The following WDR83 variants were observed in gnomAD, a reference collection of about 807,000 sequenced individuals.
WDR83 encodes the protein WD repeat domain 83, also known as WD repeat domain-containing protein 83.
In WDR83, 37 loss-of-function variants were observed where a neutral mutation model predicts 37.7. The ratio of observed to expected loss-of-function variants is 0.98; its 90% CI spans 0.76 to 1.29. WDR83 has a LOEUF of 1.29. Ranked by LOEUF, WDR83 falls within the 50% of genes most tolerant of loss-of-function variation. The pLI is 0.00. For synonymous variants in WDR83, 174 were observed against 181.1 expected, an observed-to-expected ratio of 0.96 and a Z score of 0.31; for missense variants, 445 against 414.4, an observed-to-expected ratio of 1.07 and a Z score of -0.64.
rs1210345184 is a variant in WDR83 at position 12,672,930 on chromosome 19, G to T, written c.574+16G>T. 3.8e-6 allele frequency: 6 copies of T among 1,598,556 alleles called. No individual in the cohort carries two copies. The highest frequency in any genetic ancestry group is 1.3e-5 in the African/African-American group (1 of 74,622). On this transcript the variant is annotated intron_variant, in intron 8 of 10. Transcript: ENST00000418543. ...TACGTGGGCAGTGAGTGTGGCTGGGGATGTGGGACAGGCAGGGAAGATGGG... is the reference window on the plus strand; with the variant it reads ...TACGTGGGCAGTGAGTGTGGCTGGGTATGTGGGACAGGCAGGGAAGATGGG...
At chr19:12,669,928 C>A (rs773410141) in intron 3 of WDR83, 35 bp downstream of exon 3, 2 of 1,601,626 alleles carry the variant, frequency 1.2e-6, no homozygotes, top group South Asian at 2.2e-5. Flanking sequence ...GGTCCTCCTC[C>A]CGCCTCCTGA....
At chr19:12,667,107 A>G (rs1444960401) in intron 1 of WDR83, 115 bp downstream of exon 1, 2 of 247,872 alleles carry the variant, frequency 8.1e-6, no homozygotes, top group African/African-American at 4.7e-5. Context: ...TCCTGGAAGG[A>G]CCTAGCTTGC....
rs910887257 is a variant in WDR83 at position 12,674,686 on chromosome 19, A to G, written c.799-837A>G. On this transcript the variant is annotated intron_variant, in intron 10 of 10. Coordinates refer to ENST00000418543, the MANE Select transcript of WDR83 (RefSeq NM_001099737.3). ...CTGCCAAATGGACAGGATGGAGCCC[A>G]GCTGGTGGCAGGGAACAGGCAAGCT... Among the ~76,000 whole-genome samples the G allele has an allele frequency of 5.3e-5, 8 of 152,172 alleles. 1 individual carries two copies. The highest frequency in any genetic ancestry group is 1.0e-4 in the Non-Finnish European group (7 of 68,038).
intron 8 of WDR83, 31 bp from the exon 9 acceptor site, chr19:12,672,977 C>A: frequency 6.2e-7 from 1 of 1,601,750 alleles, no homozygotes; most frequent in Non-Finnish European, 8.5e-7. Context: ...GGGCACCCCA[C>A]CCTCACTCAC....
chr19:12,672,814 C>T lies in WDR83; in HGVS notation c.507-33C>T, dbSNP rs1282480671. Reference sequence around the variant, plus strand: ...CTGCCTGGAGCCATGTGAGTGTAGTCAAGGTTCCCGCTGGATCTACCCTCT... The same window carrying T: ...CTGCCTGGAGCCATGTGAGTGTAGTTAAGGTTCCCGCTGGATCTACCCTCT... On this transcript the variant is annotated intron_variant, in intron 7 of 10. Coordinates refer to ENST00000418543, the MANE Select transcript of WDR83 (RefSeq NM_001099737.3). 5.1e-6 allele frequency: 8 copies of T among 1,556,528 alleles called. No individual in the cohort carries two copies. The African/African-American group carries it at 1.1e-4, about 21-fold the overall frequency.
intron 10 of WDR83, 94 bp downstream of exon 10, chr19:12,673,410 CTTTTT>C (rs58676851): frequency 7.7e-3 from 1,891 of 245,972 alleles, no homozygotes; most frequent in Middle Eastern, 0.013. Context: ...AGGCTAGGAT[CTTTTT>C]TTTTTTTTTT....
chr19:12,670,354 G>C, intron 5 of WDR83, 69 bp downstream of exon 5: 2 of 1,555,960 alleles, frequency 1.3e-6, no homozygotes, highest in Non-Finnish European at 1.8e-6. Context: ...TGGTGACACG[G>C]CCACCCCCAT....
chr19:12,672,863 G>GT lies in WDR83; in HGVS notation c.524dup (p.Arg176GlufsTer4). ...CTCCTGCAGCTCCGTGGATGGCCGC[G>GT]TGAGACGCTATGACCTAAGGATGGG... On this transcript the variant is annotated frameshift_variant, in exon 8 of 11. Transcript: ENST00000418543. LOFTEE classifies it high-confidence loss of function. The GT allele has an allele frequency of 6.3e-7, 1 of 1,588,860 alleles. No individual in the cohort carries two copies. Among genetic ancestry groups the GT allele is most frequent in the Admixed American group, 1.8e-5 (1 of 55,974 alleles).
At position 12,672,697 on chromosome 19, in the gene WDR83, T is replaced by A. The variant is rs759398068; in HGVS notation, c.507-150T>A. ...TTGGAAATGATGGAGTAGGACGTAATTGGCCCTGGGCCTGAGTCTCAAGGC... is the reference window on the plus strand; with the variant it reads ...TTGGAAATGATGGAGTAGGACGTAAATGGCCCTGGGCCTGAGTCTCAAGGC... On this transcript the variant is annotated intron_variant, in intron 7 of 10. Coordinates refer to ENST00000418543, the MANE Select transcript of WDR83 (RefSeq NM_001099737.3). The A allele has an allele frequency of 6.4e-5, 48 of 745,808 alleles. No individual in the cohort carries two copies. The Middle Eastern group carries it at 1.5e-3, about 23-fold the overall frequency. The allele number at this position is 745,808 out of a possible 1,614,324, so 46.2% of individuals were successfully genotyped here.
At chr19:12,673,412 T>A (rs1309921840) in intron 10 of WDR83, 96 bp downstream of exon 10, 71 of 168,284 alleles carry the variant, frequency 4.2e-4, no homozygotes, top group East Asian at 8.9e-4. Flanking sequence ...GCTAGGATCT[T>A]TTTTTTTTTT....
chr19:12,672,692 C>G, intron 7 of WDR83, 155 bp from the exon 8 acceptor site: 1 of 709,916 alleles, frequency 1.4e-6, no homozygotes, highest in Non-Finnish European at 2.4e-6. Flanking sequence ...TGGAGTAGGA[C>G]GTAATTGGCC....
chr19:12,674,834 G>A (rs183448566), intron 10 of WDR83, among the ~76,000 whole-genome samples: 535 of 152,086 alleles, frequency 3.5e-3, no homozygotes, highest in Non-Finnish European at 3.9e-3. Context: ...AAAGACTCCC[G>A]GCCAGGCATG....
intron 1 of WDR83, chr19:12,668,186 T>A (rs1022819390): frequency 3.3e-6 from 2 of 606,648 alleles, no homozygotes; most frequent in Admixed American, 3.0e-5. Flanking sequence ...GCAGGAGGGG[T>A]AAGCCTAGGG....
intron 1 of WDR83, among the ~76,000 whole-genome samples, chr19:12,667,216 AG>A (rs2024276993): frequency 6.6e-6 from 1 of 152,170 alleles, no homozygotes; most frequent in Non-Finnish European, 1.5e-5. Flanking sequence ...CTGGTTGAGA[AG>A]GATCCCTGGG....
chr19:12,670,741 G>T lies in WDR83; in HGVS notation c.426G>T (p.Arg142Ser). 6.2e-7 allele frequency: 1 copy of T among 1,614,186 alleles called. No individual in the cohort carries two copies. The highest frequency in any genetic ancestry group is 8.5e-7 in the Non-Finnish European group (1 of 1,180,030). The stretch of plus-strand genomic sequence containing the variant: ...GCTGTTGGGATTGCCGCTCACGGAG[G>T]CCTGAGCCAGTGCAGACGCTGGATG... ...SIRCWDCRSR[R>S]PEPVQTLDEA... The change falls in exon 7 of 11, where the codon AGG (arginine) becomes AGT (serine). Residue 142 changes from arginine (R) to serine (S), a missense_variant. Arg to Ser is a moderately radical substitution (Grantham distance 110). Coordinates refer to ENST00000418543, the MANE Select transcript of WDR83 (RefSeq NM_001099737.3).
intron 2 of WDR83, among the ~76,000 whole-genome samples, chr19:12,668,955 T>G (rs1227413735): frequency 1.3e-5 from 2 of 152,104 alleles, no homozygotes; most frequent in Non-Finnish European, 2.9e-5. Flanking sequence ...CTCGAATCCT[T>G]GACTTCACCA....
chr19:12,669,416 GCCAGATC>G (rs1568311791), intron 2 of WDR83: 1 of 1,587,712 alleles, frequency 6.3e-7, no homozygotes, highest in South Asian at 1.1e-5. Flanking sequence ...CGAGTCGAAG[GCCAGATC>G]ACGCCTCTTC....
At chr19:12,672,810 T>C (rs1158681399) in intron 7 of WDR83, 37 bp from the exon 8 acceptor site, 1 of 1,553,548 alleles carries the variant, frequency 6.4e-7, no homozygotes, top group Non-Finnish European at 8.7e-7. Context: ...CATGTGAGTG[T>C]AGTCAAGGTT....
intron 10 of WDR83, among the ~76,000 whole-genome samples, chr19:12,675,129 AG>A (rs1251012833): frequency 6.6e-6 from 1 of 150,714 alleles, no homozygotes; most frequent in African/African-American, 2.4e-5. Flanking sequence ...AAACAGAAAA[AG>A]AAAAAGACTC....
Sources: allele counts gnomAD v4.1 joint callset (sites outside exome capture counted in the v4.1 genomes callset), GRCh38; gene constraint gnomAD v4.1.1; transcripts MANE v1.5; gene names NCBI Gene and HGNC (gene_info 2026-07-23, HGNC 2026-07-21).